The following ERBB3 variants were observed in gnomAD, a reference collection of about 807,000 sequenced individuals.
ERBB3 encodes the protein receptor tyrosine-protein kinase erbB-3.
In ERBB3, 96 loss-of-function variants were observed where a neutral mutation model predicts 156.7. The ratio of observed to expected loss-of-function variants is 0.61; its 90% CI spans 0.52 to 0.73. The LOEUF is 0.73. Ranked by LOEUF, ERBB3 falls within the 30% of genes least tolerant of loss-of-function variation. The pLI is 0.00. For missense variants in ERBB3, 1,406 were observed against 1,709.4 expected (o/e 0.82, Z 3.13); for synonymous variants, 567 against 632.0 (o/e 0.90, Z 1.54).
rs776280433 is a variant in ERBB3 at position 56,098,788 on chromosome 12, G to A, written c.2722G>A (p.Gly908Arg). The A allele has an allele frequency of 7.4e-6, 12 of 1,613,936 alleles. No individual in the cohort carries two copies. Among genetic ancestry groups the A allele is most frequent in the East Asian group, 2.2e-5 (1 of 44,894 alleles). The part of the protein sequence containing the change: ...GVTVWELMTF[G>R]AEPYAGLRLA... The stretch of plus-strand genomic sequence containing the variant: ...GACAGTTTGGGAGTTGATGACCTTC[G>A]GGGCAGAGCCCTATGCAGGGCTACG... Residue 908 changes from glycine (G) to arginine (R), a missense_variant, in exon 23 of 28, where the codon GGG becomes AGG. This residue lies in a region of ERBB3 where 979 missense variants were observed against 1,219.6 expected (regional missense o/e 0.80). Coordinates refer to ENST00000267101, the MANE Select transcript of ERBB3 (RefSeq NM_001982.4).
intron 1 of ERBB3, chr12:56,083,202 C>A: frequency 5.2e-6 from 1 of 191,302 alleles, no homozygotes; most frequent in Non-Finnish European, 1.1e-5. Flanking sequence ...AGCCCCCCTC[C>A]TGGATAGAAT....
rs777051335 is a variant in ERBB3 at position 56,100,024 on chromosome 12, C to T, written c.3124C>T (p.Arg1042Cys). ...ACCAGTTGGAACACTTAATCGGCCA[C>T]GTGGGGTAAGACAACTTCTAATTAC... ...SLPVGTLNRP[R>C]GSQSLLSPSS... The change falls in exon 25 of 28, where the codon CGT becomes TGT. Residue 1042 changes from arginine (R) to cysteine (C), a missense_variant. Physicochemically the swap from Arg to Cys is radical, Grantham distance 180. This residue lies in a region of ERBB3 where 415 missense variants were observed against 454.1 expected (regional missense o/e 0.91). Transcript: ENST00000267101. 9.3e-6 allele frequency: 15 copies of T among 1,614,072 alleles called. No individual in the cohort carries two copies. Among genetic ancestry groups the T allele is most frequent in the Middle Eastern group, 3.3e-4 (2 of 6,084 alleles).
rs772330811 is a variant in ERBB3, at chr12:56,101,215, G to A, written c.3356G>A (p.Ser1119Asn). The A allele has an allele frequency of 5.1e-5, 83 of 1,613,802 alleles. 1 individual carries two copies. The South Asian group carries it at 8.6e-4, about 17-fold the overall frequency. The change falls in exon 27 of 28, where the codon AGC becomes AAC. Residue 1119 changes from serine (S) to asparagine (N), a missense_variant. Coordinates refer to ENST00000267101, the MANE Select transcript of ERBB3 (RefSeq NM_001982.4). Reference protein sequence around the residue: ...QEKVSMCRSRSRSRSPRPRGD... With the variant: ...QEKVSMCRSRNRSRSPRPRGD... ...AAAGTGTCAATGTGTAGGAGCCGGAGCAGGAGCCGGAGCCCACGGCCACGC... is the reference window on the plus strand; with the variant it reads ...AAAGTGTCAATGTGTAGGAGCCGGAACAGGAGCCGGAGCCCACGGCCACGC...
chr12:56,091,015 G>GGCCAGC (rs1868662204), intron 9 of ERBB3, among the ~76,000 whole-genome samples: 1 of 151,468 alleles, frequency 6.6e-6, no homozygotes, highest in Non-Finnish European at 1.5e-5. Context: ...TATCTTTCAT[G>GGCCAGC]ATATTCTTGA....
intron 22 of ERBB3, 24 bp downstream of exon 22, chr12:56,098,599 C>G: frequency 6.2e-7 from 1 of 1,601,638 alleles, no homozygotes; most frequent in South Asian, 1.1e-5. Flanking sequence ...GATGCCCTCT[C>G]TACCATCACT....
chr12:56,091,904 A>G (rs1191338166), intron 9 of ERBB3, among the ~76,000 whole-genome samples: 1 of 152,018 alleles, frequency 6.6e-6, no homozygotes, highest in African/African-American at 2.4e-5. Flanking sequence ...GTTTGTTGGC[A>G]TTCTACTGTT....
At chr12:56,094,582 G>A (rs749208755) in intron 15 of ERBB3, 26 bp downstream of exon 15, 3 of 1,612,168 alleles carry the variant, frequency 1.9e-6, no homozygotes, top group Non-Finnish European at 2.5e-6. Flanking sequence ...ATAAGGAGAG[G>A]GGGTCAGGTG....
chr12:56,085,946 G>A (rs1246837525), intron 3 of ERBB3, among the ~76,000 whole-genome samples: 2 of 151,398 alleles, frequency 1.3e-5, no homozygotes, highest in Non-Finnish European at 2.9e-5. Context: ...GCGGGCGCCT[G>A]TAGTCCGAGC....
In ERBB3 at chr12:56,099,645, C is replaced by T; in HGVS notation, c.2840-3C>T. 6.2e-7 allele frequency: 1 copy of T among 1,612,648 alleles called. No homozygotes were observed. The highest frequency in any genetic ancestry group is 1.1e-5 in the South Asian group (1 of 91,036). ...GTCTCTACCTCCTACATCTTATCTC[C>T]AGGTTGGATGATTGATGAGAACATT... On this transcript the variant is annotated splice_polypyrimidine_tract_variant and splice_region_variant and intron_variant, in intron 23 of 27. Coordinates refer to ENST00000267101, the MANE Select transcript of ERBB3 (RefSeq NM_001982.4).
In ERBB3 at chr12:56,099,673, C is replaced by T; in HGVS notation, c.2865C>T (p.Arg955=). ...VKCWMIDENI[R]PTFKELANEF... ...GTTGGATGATTGATGAGAACATTCG[C>T]CCAACCTTTAAAGAACTAGCCAATG... Residue 955 remains arginine, a synonymous_variant, in exon 24 of 28, where the codon CGC becomes CGT. Transcript: ENST00000267101. 1 of 1,614,088 alleles carries T rather than the reference C, an allele frequency of 6.2e-7. No individual in the cohort carries two copies. The highest frequency in any genetic ancestry group is 1.1e-5 in the South Asian group (1 of 91,074).
rs998051593 is a variant in ERBB3 at position 56,094,148 on chromosome 12, G to C, written c.1663G>C (p.Glu555Gln). 3.1e-6 allele frequency: 5 copies of C among 1,614,134 alleles called. No homozygotes were observed. Among genetic ancestry groups the C allele is most frequent in the Non-Finnish European group, 4.2e-6 (5 of 1,180,024 alleles). Residue 555 changes from glutamate (E) to glutamine (Q), a missense_variant, in exon 14 of 28, where the codon GAA becomes CAA. By Grantham distance (29) the Glu-to-Gln change is conservative. This residue lies in a region of ERBB3 where 979 missense variants were observed against 1,219.6 expected (regional missense o/e 0.80). Transcript: ENST00000267101. ...GGCCGAATGCTTCTCCTGCCACCCG[G>C]AATGCCAACCCATGGAGGGCACTGC... ...HEAECFSCHP[E>Q]CQPMEGTATC...
rs369073558 is a variant in ERBB3, at chr12:56,102,954, CTG to C, written c.*901_*902del. ...AAGCCTATGGAAACATAGCAAGACA[CTG>C]TCTCTACAGGGGAAAAAAAAAAAAG... On this transcript the variant is annotated 3_prime_UTR_variant, in exon 28 of 28. Coordinates refer to ENST00000267101, the MANE Select transcript of ERBB3 (RefSeq NM_001982.4). 464 of 226,888 alleles carry C rather than the reference CTG, an allele frequency of 2.0e-3. 1 individual carries two copies. The highest frequency in any genetic ancestry group is 9.5e-3 in the African/African-American group (424 of 44,748). The allele number at this position is 226,888 out of a possible 1,614,324, so 14.1% of individuals were successfully genotyped here. A position where few individuals can be genotyped will look rare whatever the true frequency, so the allele number is the denominator to read the frequency against.
rs1868506660 is a variant in ERBB3 at position 56,086,973 on chromosome 12, C to CA, written c.547+323dup. Among the ~76,000 whole-genome samples, 4 of 151,948 alleles carry CA rather than the reference C, an allele frequency of 2.6e-5. No individual in the cohort carries two copies. In the South Asian group the frequency reaches 6.2e-4, roughly 24 times the overall value. On this transcript the variant is annotated intron_variant, in intron 4 of 27. Coordinates refer to ENST00000267101, the MANE Select transcript of ERBB3 (RefSeq NM_001982.4). ...CCTGAGTAACATAGCAAAAAATCTA[C>CA]AAAAAATTAAAAAAATCAGACAGGC...
At chr12:56,087,534 C>T in intron 4 of ERBB3, 43 bp from the exon 5 acceptor site, 1 of 1,543,414 alleles carries the variant, frequency 6.5e-7, no homozygotes, top group Non-Finnish European at 9.0e-7. Context: ...ACAAGCCTTT[C>T]TTAGCCCTGA....
chr12:56,100,964 A>AT, intron 26 of ERBB3, 97 bp from the exon 27 acceptor site: 2 of 712,808 alleles, frequency 2.8e-6, no homozygotes, highest in Non-Finnish European at 4.5e-6. Context: ...AAAAAAAAAA[A>AT]GGCAGTGAAC....
chr12:56,084,982 T>C lies in ERBB3; in HGVS notation c.235-13T>C, dbSNP rs755437657. On this transcript the variant is annotated splice_polypyrimidine_tract_variant and intron_variant, in intron 2 of 27. Coordinates refer to ENST00000267101, the MANE Select transcript of ERBB3 (RefSeq NM_001982.4). Reference sequence around the variant, plus strand: ...TGTTGTCTCTCTCATTTACATAATCTGCTCTGTCACAGTGGATTCGAGAAG... The same window carrying C: ...TGTTGTCTCTCTCATTTACATAATCCGCTCTGTCACAGTGGATTCGAGAAG... The C allele has an allele frequency of 8.1e-6, 13 of 1,613,988 alleles. No individual in the cohort carries two copies. The highest frequency in any genetic ancestry group is 1.0e-5 in the Non-Finnish European group (12 of 1,179,858).
rs1176464861 is a variant in ERBB3, at chr12:56,087,816, C to T, written c.635C>T (p.Pro212Leu). ...ATAGTGACCAAGACCATCTGTGCTC[C>T]TCAGTGTAATGGTCACTGCTTTGGG... is the stretch of plus-strand genomic sequence containing the variant. ...CQTLTKTICA[P>L]QCNGHCFGPN... Residue 212 changes from proline to leucine, a missense_variant, in exon 6 of 28, where the codon CCT (proline) becomes CTT (leucine). By Grantham distance (98) the Pro-to-Leu change is moderately conservative (BLOSUM62 -3). Around this residue, in one of 3 missense-constraint regions of ERBB3, gnomAD observed 979 missense variants for 1,219.6 expected, o/e 0.80. Coordinates refer to ENST00000267101, the MANE Select transcript of ERBB3 (RefSeq NM_001982.4). 1 of 1,614,114 alleles carries T rather than the reference C, an allele frequency of 6.2e-7. No homozygotes were observed.
chr12:56,086,652 A>G lies in ERBB3; in HGVS notation c.543A>G (p.Arg181=). 2 of 1,614,056 alleles carry G rather than the reference A, an allele frequency of 1.2e-6. No individual in the cohort carries two copies. Among genetic ancestry groups the G allele is most frequent in the South Asian group, 2.2e-5 (2 of 91,080 alleles). ...DAEIVVKDNG[R]SCPPCHEVCK... ...AGATAGTGGTGAAGGACAATGGCAG[A>G]AGCTGTAAGTGGCCGTGATCAAGAT... The change falls in exon 4 of 28, where the codon AGA becomes AGG. Residue 181 remains arginine (R), a synonymous_variant. Coordinates refer to ENST00000267101, the MANE Select transcript of ERBB3 (RefSeq NM_001982.4).
At chr12:56,085,268 C>CT (rs1868439535) in intron 3 of ERBB3, 87 bp downstream of exon 3, 3 of 1,605,608 alleles carry the variant, frequency 1.9e-6, no homozygotes, top group Non-Finnish European at 2.6e-6. Context: ...ACTGCTCACT[C>CT]TAAGTGCCTC....
Sources: gnomAD v4.1 joint callset for allele counts (sites outside exome capture counted in the v4.1 genomes callset) on GRCh38, gnomAD v4.1.1 for gene constraint, gnomAD v4.1.1 regional missense constraint, MANE v1.5 for transcripts, NCBI Gene and HGNC (gene_info 2026-07-23, HGNC 2026-07-21) for gene names.